The following GLRA2 variants were observed in gnomAD, a reference collection of about 807,000 sequenced individuals.
GLRA2 encodes glycine receptor alpha 2, also known as glycine receptor subunit alpha-2.
Under a neutral mutation model 31.6 loss-of-function variants are expected in GLRA2, and 11 were observed. The observed-to-expected ratio is 0.35, with a 90% CI of 0.22 to 0.58. The LOEUF is 0.58. Among genes scored for constraint, GLRA2 ranks in the 20% least tolerant of loss-of-function variants. The pLI is 0.84. For synonymous variants in GLRA2, 132 were observed against 134.0 expected (o/e 0.99, Z 0.10); for missense variants, 212 against 351.8 (o/e 0.60, Z 3.18).
At chrX:14,707,094 AAT>A (rs2091634463) in intron 8 of GLRA2, among the ~76,000 whole-genome samples, 1 of 111,801 alleles carries the variant, frequency 8.9e-6, no homozygotes, top group East Asian at 2.8e-4. Flanking sequence ...CTATCCTGTC[AAT>A]ATGTTTCATT....
At chrX:14,696,763 G>T (rs111601547) in intron 8 of GLRA2, among the ~76,000 whole-genome samples, 26,821 of 111,187 alleles carry the variant, frequency 0.24, 2,537 homozygotes, top group Non-Finnish European at 0.3. Context: ...GAGCAAAAAG[G>T]ATACCTTAGA....
intron 4 of GLRA2, among the ~76,000 whole-genome samples, chrX:14,604,108 T>A (rs2090305542): frequency 9.1e-6 from 1 of 109,642 alleles, no homozygotes; most frequent in Admixed American, 9.7e-5. Context: ...GAGTAAGAGG[T>A]TATGGTGAAA....
At chrX:14,579,837 A>G (rs938952027) in intron 3 of GLRA2, among the ~76,000 whole-genome samples, 3 of 112,461 alleles carry the variant, frequency 2.7e-5, no homozygotes, top group African/African-American at 6.5e-5. Flanking sequence ...AAAATGCTCT[A>G]TGAACTTGAT....
chrX:14,509,646 G>T, the GLRA2 span, among the ~76,000 whole-genome samples: 5 of 111,783 alleles, frequency 4.5e-5, no homozygotes, highest in African/African-American at 1.6e-4. Flanking sequence ...TGAAGGCGTA[G>T]GTTAAAATGG....
At chrX:14,461,110 T>C in the GLRA2 span, among the ~76,000 whole-genome samples, 4 of 112,378 alleles carry the variant, frequency 3.6e-5, no homozygotes, top group Non-Finnish European at 7.5e-5. Context: ...CTTCATTTCA[T>C]TATTTACCCA....
intron 7 of GLRA2, among the ~76,000 whole-genome samples, chrX:14,649,208 G>A (rs956223883): frequency 8.4e-5 from 9 of 107,546 alleles, no homozygotes; most frequent in African/African-American, 3.1e-4. Context: ...GTGAGACTCC[G>A]TTTTTTAAAA....
Position 14,730,810 on chromosome X carries a change from C to CAAGTT in GLRA2, c.*326_*330dup. On this transcript the variant is annotated 3_prime_UTR_variant, in exon 9 of 9. Transcript: ENST00000218075. ...ATCATTCAGACATGATATGCGGGGT[C>CAAGTT]AAGTTCTTAAGGGCTGTTTGCCTTT... 1 of 199,585 alleles carries CAAGTT rather than the reference C, an allele frequency of 5.0e-6. No homozygotes were observed. The highest frequency in any genetic ancestry group is 1.1e-4 in the East Asian group (1 of 8,814). The allele number at this position is 199,585 out of a possible 1,213,427, so 16.4% of individuals were successfully genotyped here. A position where few individuals can be genotyped will look rare whatever the true frequency, so the allele number is the denominator to read the frequency against.
At chrX:14,729,083 T>G (rs1438170972) in intron 8 of GLRA2, among the ~76,000 whole-genome samples, 1 of 112,626 alleles carries the variant, frequency 8.9e-6, no homozygotes, top group African/African-American at 3.2e-5. Flanking sequence ...ATTCATATTA[T>G]AAGTCCTTCA....
chrX:14,687,475 T>C (rs377393448), intron 7 of GLRA2, among the ~76,000 whole-genome samples: 1 of 111,848 alleles, frequency 8.9e-6, no homozygotes, highest in African/African-American at 3.3e-5. Flanking sequence ...TCACATAGTC[T>C]CATATTTCTT....
chrX:14,661,097 C>CATGAATGAATGA (rs552553651), intron 7 of GLRA2, among the ~76,000 whole-genome samples: 2 of 108,325 alleles, frequency 1.8e-5, no homozygotes, highest in African/African-American at 6.7e-5. Context: ...AAAGATGCTA[C>CATGAATGAATGA]ATGAATGAAT....
chrX:14,508,381 A>G, the GLRA2 span, among the ~76,000 whole-genome samples: 5 of 112,397 alleles, frequency 4.4e-5, no homozygotes, highest in African/African-American at 1.6e-4. Flanking sequence ...GGAGGGCTTG[A>G]TTAAATCTAA....
the GLRA2 span, among the ~76,000 whole-genome samples, chrX:14,450,071 C>A: frequency 8.9e-6 from 1 of 111,806 alleles, no homozygotes; most frequent in Non-Finnish European, 1.9e-5. Flanking sequence ...GTTGGGATTA[C>A]TCCTGAGGCA....
chrX:14,505,823 C>T, the GLRA2 span, among the ~76,000 whole-genome samples: 1 of 111,486 alleles, frequency 9.0e-6, no homozygotes, highest in Non-Finnish European at 1.9e-5. Context: ...ATAACCCTGA[C>T]CACTTGGCTG....
intron 2 of GLRA2, among the ~76,000 whole-genome samples, chrX:14,547,863 C>T (rs931564494): frequency 9.0e-6 from 1 of 111,650 alleles, no homozygotes; most frequent in Non-Finnish European, 1.9e-5. Context: ...TCTTTCCATC[C>T]TAGACTAGTT....
At chrX:14,582,327 T>C (rs1289722022) in intron 4 of GLRA2, among the ~76,000 whole-genome samples, 1 of 107,993 alleles carries the variant, frequency 9.3e-6, no homozygotes, top group Non-Finnish European at 1.9e-5. Context: ...TTTGGTTTTT[T>C]CTTCTTGCGA....
At chrX:14,628,366 G>A (rs112388620) in intron 7 of GLRA2, among the ~76,000 whole-genome samples, 23,411 of 110,486 alleles carry the variant, frequency 0.21, 2,184 homozygotes, top group Non-Finnish European at 0.3. Flanking sequence ...TCTTATGATT[G>A]CTGGCATCTT....
At chrX:14,572,906 A>G (rs2089902114) in intron 2 of GLRA2, among the ~76,000 whole-genome samples, 1 of 112,001 alleles carries the variant, frequency 8.9e-6, no homozygotes, top group Non-Finnish European at 1.9e-5. Context: ...AAGTATCCAA[A>G]CTATTTTAAA....
intron 7 of GLRA2, 42 bp downstream of exon 7, chrX:14,609,247 C>CA (rs746426528): frequency 2.2e-6 from 2 of 911,840 alleles, no homozygotes; most frequent in African/African-American, 3.9e-5. Context: ...GAAAGCTTCC[C>CA]AAAGGTCTTG....
chrX:14,640,426 A>G (rs2090760405), intron 7 of GLRA2, among the ~76,000 whole-genome samples: 1 of 112,050 alleles, frequency 8.9e-6, no homozygotes, highest in Admixed American at 9.5e-5. Flanking sequence ...GTCAGACACA[A>G]AGTCTTCTTT....
Sources: allele counts gnomAD v4.1 joint callset (sites outside exome capture counted in the v4.1 genomes callset), GRCh38; gene constraint gnomAD v4.1.1; transcripts MANE v1.5; gene names NCBI Gene and HGNC (gene_info 2026-07-23, HGNC 2026-07-21).